The following SGPP2 variants were observed in gnomAD, a reference collection of about 807,000 sequenced individuals.
The protein encoded by SGPP2 is sphingosine 1-phosphate phosphohydrolase 2.
A neutral mutation model predicts 33.9 loss-of-function variants in SGPP2; 30 were observed. The observed-to-expected ratio is 0.89, with a 90% CI of 0.66 to 1.20. The LOEUF is 1.20. Among genes scored for constraint, SGPP2 ranks in the 50% most tolerant of loss-of-function variants. The pLI is 0.00. For synonymous variants in SGPP2, 233 were observed against 225.0 expected, an observed-to-expected ratio of 1.04 and a Z score of -0.32; for missense variants, 458 against 532.1, an observed-to-expected ratio of 0.86 and a Z score of 1.37.
At chr2:222,508,455 G>A (rs2106123413) in intron 2 of SGPP2, among the ~76,000 whole-genome samples, 1 of 152,276 alleles carries the variant, frequency 6.6e-6, no homozygotes, top group Non-Finnish European at 1.5e-5. Context: ...TGTAAAATAA[G>A]GATGATGTGG....
chr2:222,433,898 G>A (rs888914888), intron 1 of SGPP2, among the ~76,000 whole-genome samples: 18 of 152,290 alleles, frequency 1.2e-4, no homozygotes, highest in African/African-American at 4.3e-4. Flanking sequence ...GTGGACAGCC[G>A]GCCTGGTGTG....
chr2:222,437,365 C>A (rs958092228), intron 1 of SGPP2, among the ~76,000 whole-genome samples: 1 of 152,198 alleles, frequency 6.6e-6, no homozygotes, highest in Admixed American at 6.5e-5. Flanking sequence ...TTCCCTTCAC[C>A]GCTGTCCTTC....
At chr2:222,536,941 C>T (rs11892072) in intron 4 of SGPP2, among the ~76,000 whole-genome samples, 12,695 of 96,004 alleles carry the variant, frequency 0.13, 704 homozygotes, top group Middle Eastern at 0.28. Context: ...AGCCTTATTT[C>T]TAAATCAAAT....
chr2:222,554,987 C>T (rs1463735293), intron 4 of SGPP2, among the ~76,000 whole-genome samples: 2 of 152,186 alleles, frequency 1.3e-5, no homozygotes, highest in Admixed American at 6.5e-5. Context: ...AGCCTCCCTC[C>T]TCCCATCCCT....
chr2:222,524,928 T>A lies in SGPP2; in HGVS notation c.559-16T>A, dbSNP rs765712572. ...AGTGTGATCTAATTCCCTTGTTTTTTCTCCTTCCCCCACAGTATCCATTTG... is the reference window on the plus strand; with the variant it reads ...AGTGTGATCTAATTCCCTTGTTTTTACTCCTTCCCCCACAGTATCCATTTG... On this transcript the variant is annotated splice_polypyrimidine_tract_variant and intron_variant, in intron 3 of 4. Coordinates refer to ENST00000321276, the MANE Select transcript of SGPP2 (RefSeq NM_152386.4). 6.2e-7 allele frequency: 1 copy of A among 1,607,626 alleles called. No homozygotes were observed. Among genetic ancestry groups the A allele is most frequent in the South Asian group, 1.1e-5 (1 of 90,684 alleles).
intron 2 of SGPP2, 43 bp downstream of exon 2, chr2:222,474,769 C>A: frequency 2.7e-6 from 4 of 1,456,140 alleles, no homozygotes; most frequent in Non-Finnish European, 3.8e-6. Context: ...ACTTCTAAAA[C>A]AACTACTTCC....
intron 2 of SGPP2, among the ~76,000 whole-genome samples, chr2:222,501,961 A>T (rs1698374158): frequency 6.6e-6 from 1 of 152,188 alleles, no homozygotes; most frequent in South Asian, 2.1e-4. Context: ...CTCAATCTTT[A>T]TGGTGAAACA....
At chr2:222,489,769 C>T (rs965121957) in intron 2 of SGPP2, among the ~76,000 whole-genome samples, 2 of 152,070 alleles carry the variant, frequency 1.3e-5, no homozygotes, top group African/African-American at 4.8e-5. Context: ...AGTTCAAGAC[C>T]AGCCTGACCA....
chr2:222,508,984 G>C (rs1698485601), intron 2 of SGPP2, among the ~76,000 whole-genome samples: 1 of 152,106 alleles, frequency 6.6e-6, no homozygotes, highest in Non-Finnish European at 1.5e-5. Context: ...AGTATGAGTG[G>C]CTATTCACCA....
Position 222,550,981 on chromosome 2 carries a change from T to C in SGPP2, c.649-7366T>C, listed in dbSNP as rs185200444. On this transcript the variant is annotated intron_variant, in intron 4 of 4. Transcript: ENST00000321276. The surrounding 1 kb of genome is among the most constrained non-coding windows in gnomAD (Gnocchi z 4.5). ...AGGTGTTTGAATATGCTGTATATTT[T>C]GTATACTTTGTAGTCTAGTTATACT... 1.3e-4 allele frequency among the ~76,000 whole-genome samples: 20 copies of C among 152,390 alleles called. No individual in the cohort carries two copies. The highest frequency in any genetic ancestry group is 7.2e-4 in the Admixed American group (11 of 15,308).
chr2:222,485,793 C>A (rs1419119970), intron 2 of SGPP2, among the ~76,000 whole-genome samples: 13 of 152,212 alleles, frequency 8.5e-5, no homozygotes, highest in South Asian at 4.1e-4. Context: ...GCTCTCCTGT[C>A]GCATTTGAGG....
At chr2:222,530,253 C>G (rs1348465571) in intron 4 of SGPP2, among the ~76,000 whole-genome samples, 1 of 152,194 alleles carries the variant, frequency 6.6e-6, no homozygotes, top group Non-Finnish European at 1.5e-5. Context: ...CTTAAAGTTA[C>G]CAGCTGCATT....
chr2:222,532,832 C>T (rs989107583), intron 4 of SGPP2, among the ~76,000 whole-genome samples: 8 of 152,068 alleles, frequency 5.3e-5, no homozygotes, highest in African/African-American at 1.9e-4. Flanking sequence ...GGGGAATTGG[C>T]CTTTGAGAGA....
intron 1 of SGPP2, among the ~76,000 whole-genome samples, chr2:222,447,795 AC>A (rs1697419642): frequency 6.6e-6 from 1 of 152,226 alleles, no homozygotes; most frequent in Non-Finnish European, 1.5e-5. Flanking sequence ...CACTGGGAAT[AC>A]AGTGGTGAGT....
intron 2 of SGPP2, among the ~76,000 whole-genome samples, chr2:222,507,037 A>C (rs1202683608): frequency 6.6e-6 from 1 of 152,148 alleles, no homozygotes; most frequent in Admixed American, 6.5e-5. Flanking sequence ...AGACCCACAG[A>C]AAGTGTCCCA....
At chr2:222,441,247 C>T (rs973256813) in intron 1 of SGPP2, among the ~76,000 whole-genome samples, 2 of 152,188 alleles carry the variant, frequency 1.3e-5, no homozygotes, top group Admixed American at 6.5e-5. Context: ...CCATTCCTCA[C>T]GTGGTAGAAC....
chr2:222,424,519 C>A, upstream of SGPP2: 3 of 982,584 alleles, frequency 3.1e-6, no homozygotes, highest in Non-Finnish European at 3.9e-6. Context: ...GCGGGATCGG[C>A]GGGGGCGAGG....
chr2:222,503,039 A>T (rs949498410), intron 2 of SGPP2, among the ~76,000 whole-genome samples: 1 of 152,192 alleles, frequency 6.6e-6, no homozygotes, highest in Non-Finnish European at 1.5e-5. Flanking sequence ...AAAGTTACCC[A>T]TTCTGAGGAC....
intron 1 of SGPP2, chr2:222,452,476 G>C: frequency 1.2e-6 from 1 of 838,598 alleles, no homozygotes; most frequent in Admixed American, 1.7e-5. Context: ...AAAATACCTA[G>C]TTGTCTGCTT....
Sources: gnomAD v4.1 joint callset for allele counts (sites outside exome capture counted in the v4.1 genomes callset) on GRCh38, gnomAD v4.1.1 for gene constraint, Gnocchi (gnomAD v3.1) non-coding constraint, MANE v1.5 for transcripts, NCBI Gene and HGNC (gene_info 2026-07-23, HGNC 2026-07-21) for gene names.